HCN1: variants seen among roughly 807,000 people sequenced by gnomAD.
HCN1 encodes potassium/sodium hyperpolarization-activated cyclic nucleotide-gated channel 1.
HCN1 carries 13 observed loss-of-function variants against 78.9 expected under a neutral mutation model. The observed-to-expected ratio is 0.16, with a 90% CI of 0.11 to 0.26. The LOEUF (loss-of-function observed/expected upper bound fraction) is 0.26. Ranked by LOEUF, HCN1 falls within the 10% of genes least tolerant of loss-of-function variation. The probability of loss-of-function intolerance (pLI) is 1.00; values close to 1 mark genes in which losing one functional copy is unlikely to be tolerated. For synonymous variants in HCN1, 552 were observed against 455.5 expected (o/e 1.21, Z -2.70); for missense variants, 810 against 1,154.3 (o/e 0.70, Z 4.32).
At chr5:45,309,411 A>G (rs7735655) in intron 5 of HCN1, among the ~76,000 whole-genome samples, 49,422 of 151,956 alleles carry the variant, frequency 0.33, 10,377 homozygotes, top group African/African-American at 0.58. Flanking sequence ...ATGTTGAATA[A>G]GAGTGGTGAG....
intron 6 of HCN1, among the ~76,000 whole-genome samples, chr5:45,275,149 G>A (rs1194719428): frequency 5.3e-5 from 8 of 152,122 alleles, no homozygotes; most frequent in Admixed American, 5.2e-4. Context: ...GGGAGGCTGA[G>A]GCAGGAGAAT....
Position 45,589,192 on chromosome 5 carries a change from C to T in HCN1, c.849+55993G>A, listed in dbSNP as rs1228129704. On this transcript the variant is annotated intron_variant, in intron 2 of 7. Coordinates refer to ENST00000303230, the MANE Select transcript of HCN1 (RefSeq NM_021072.4). ...AAGAATCAGCCTCAGAAGCTGTTTTCAGCATAATACACTGTGTGAGTAGGT... is the reference window on the plus strand; with the variant it reads ...AAGAATCAGCCTCAGAAGCTGTTTTTAGCATAATACACTGTGTGAGTAGGT... 2.0e-5 allele frequency among the ~76,000 whole-genome samples: 3 copies of T among 152,130 alleles called. No individual in the cohort carries two copies. The South Asian group carries it at 6.2e-4, about 32-fold the overall frequency.
At chr5:45,577,330 G>A (rs1444516601) in intron 2 of HCN1, among the ~76,000 whole-genome samples, 2 of 151,798 alleles carry the variant, frequency 1.3e-5, no homozygotes, top group African/African-American at 4.8e-5. Flanking sequence ...CTTAATAGAG[G>A]GCTGACATCA....
chr5:45,375,402 T>C (rs1039385656), intron 4 of HCN1, among the ~76,000 whole-genome samples: 15 of 122,022 alleles, frequency 1.2e-4, no homozygotes, highest in African/African-American at 4.8e-4. Flanking sequence ...TGATACATAT[T>C]ATATATAAGA....
intron 1 of HCN1, 36 bp from the exon 2 acceptor site, chr5:45,645,644 G>A: frequency 4.9e-6 from 7 of 1,423,964 alleles, no homozygotes; most frequent in Non-Finnish European, 6.8e-6. Context: ...TTAAGATATA[G>A]AAAATAACCA....
chr5:45,373,981 CATAATATAT>C (rs1747509504), intron 4 of HCN1, among the ~76,000 whole-genome samples: 2 of 96,192 alleles, frequency 2.1e-5, no homozygotes, highest in Non-Finnish European at 3.8e-5. Context: ...ACAGTAGATA[CATAATATAT>C]ATAATATATA....
intron 5 of HCN1, among the ~76,000 whole-genome samples, chr5:45,328,855 C>A (rs532917591): frequency 6.6e-6 from 1 of 151,578 alleles, no homozygotes; most frequent in African/African-American, 2.4e-5. Flanking sequence ...AGTTAATAAG[C>A]GATATTAGCA....
chr5:45,696,124 G>A lies in HCN1; in HGVS notation c.-31C>T, dbSNP rs1740008488. 7.7e-7 allele frequency: 1 copy of A among 1,292,356 alleles called. No individual in the cohort carries two copies. The highest frequency in any genetic ancestry group is 3.0e-5 in the Admixed American group (1 of 33,690). 80.1% of individuals were successfully genotyped at this position (1,292,356 alleles called of 1,614,324 possible). On this transcript the variant is annotated 5_prime_UTR_variant, in exon 1 of 8. Coordinates refer to ENST00000303230, the MANE Select transcript of HCN1 (RefSeq NM_021072.4). The stretch of plus-strand genomic sequence containing the variant: ...GAGGACGCGGCCGGCGACGGCGCGG[G>A]CTCCAGACTCGCCGGCCGCCCGGCG...
chr5:45,513,067 A>G (rs1742446699), intron 2 of HCN1, among the ~76,000 whole-genome samples: 1 of 152,148 alleles, frequency 6.6e-6, no homozygotes, highest in Non-Finnish European at 1.5e-5. Context: ...CATAAAGTTG[A>G]TTATATTTCG....
chr5:45,417,741 T>G (rs1211032270), intron 3 of HCN1, among the ~76,000 whole-genome samples: 1 of 123,892 alleles, frequency 8.1e-6, no homozygotes, highest in African/African-American at 3.1e-5. Context: ...GTCTCATTAG[T>G]GTAGAGAGAC....
chr5:45,638,938 T>C (rs1745404806), intron 2 of HCN1, among the ~76,000 whole-genome samples: 1 of 152,168 alleles, frequency 6.6e-6, no homozygotes, highest in South Asian at 2.1e-4. Context: ...CATTACATTG[T>C]ACATTAAAAC....
chr5:45,453,119 G>A (rs1740956545), intron 3 of HCN1, among the ~76,000 whole-genome samples: 1 of 151,886 alleles, frequency 6.6e-6, no homozygotes, highest in African/African-American at 2.4e-5. Flanking sequence ...CTGAAAATAG[G>A]CAACTTAGCT....
At chr5:45,649,050 GC>G (rs1745627155) in intron 1 of HCN1, among the ~76,000 whole-genome samples, 1 of 151,660 alleles carries the variant, frequency 6.6e-6, no homozygotes, top group Non-Finnish European at 1.5e-5. Context: ...CATATCTCAG[GC>G]AAGAGGGCAC....
chr5:45,371,806 G>T (rs1747369158), intron 4 of HCN1, among the ~76,000 whole-genome samples: 1 of 133,592 alleles, frequency 7.5e-6, no homozygotes, highest in Non-Finnish European at 1.6e-5. Flanking sequence ...CACACACAAG[G>T]TGTATATGTG....
At chr5:45,542,330 T>C (rs1743121568) in intron 2 of HCN1, among the ~76,000 whole-genome samples, 1 of 152,168 alleles carries the variant, frequency 6.6e-6, no homozygotes, top group South Asian at 2.1e-4. Context: ...ATAAGTTGAT[T>C]AATGCTTTTT....
chr5:45,523,840 G>A (rs972233149), intron 2 of HCN1, among the ~76,000 whole-genome samples: 16 of 152,034 alleles, frequency 1.1e-4, no homozygotes, highest in African/African-American at 3.9e-4. Context: ...AGTTTCTTTT[G>A]CTGTGCAGAA....
At chr5:45,504,366 T>C (rs1178957507) in intron 2 of HCN1, among the ~76,000 whole-genome samples, 2 of 152,260 alleles carry the variant, frequency 1.3e-5, no homozygotes, top group South Asian at 2.1e-4. Flanking sequence ...TTTTTTGTTC[T>C]TGCGATAGTT....
At chr5:45,328,673 A>G (rs1746284890) in intron 5 of HCN1, among the ~76,000 whole-genome samples, 1 of 151,604 alleles carries the variant, frequency 6.6e-6, no homozygotes, top group African/African-American at 2.4e-5. Flanking sequence ...AATGGTGCAC[A>G]ATTTCAAACT....
At chr5:45,545,697 A>C (rs1203154525) in intron 2 of HCN1, among the ~76,000 whole-genome samples, 1 of 152,156 alleles carries the variant, frequency 6.6e-6, no homozygotes. Flanking sequence ...CCATTTATTA[A>C]ATAGGGAATC....
Sources: gnomAD v4.1 joint callset for allele counts (sites outside exome capture counted in the v4.1 genomes callset) on GRCh38, gnomAD v4.1.1 for gene constraint, MANE v1.5 for transcripts, NCBI Gene and HGNC (gene_info 2026-07-23, HGNC 2026-07-21) for gene names.